GALNT10: variants seen among roughly 807,000 people sequenced by gnomAD.
GALNT10 encodes the protein polypeptide N-acetylgalactosaminyltransferase 10, also known as GalNAc transferase 10.
GALNT10 carries 41 observed loss-of-function variants against 75.0 expected under a neutral mutation model. That is an observed-to-expected ratio of 0.55 (90% CI 0.43 to 0.71). GALNT10 has a LOEUF of 0.71. GALNT10 is among the 30% of genes least tolerant of loss of function. The pLI is 0.00. For missense variants in GALNT10, 727 were observed against 818.5 expected, an observed-to-expected ratio of 0.89 and a Z score of 1.36; for synonymous variants, 302 against 313.0, an observed-to-expected ratio of 0.96 and a Z score of 0.37.
At chr5:154,274,631 CT>C (rs1753922907) in intron 1 of GALNT10, among the ~76,000 whole-genome samples, 1 of 152,148 alleles carries the variant, frequency 6.6e-6, no homozygotes, top group African/African-American at 2.4e-5. Flanking sequence ...AACCTGTAAC[CT>C]CTCAGGACCT....
intron 1 of GALNT10, among the ~76,000 whole-genome samples, chr5:154,261,993 C>T (rs1201743304): frequency 3.9e-5 from 6 of 152,176 alleles, no homozygotes; most frequent in East Asian, 1.9e-4. Flanking sequence ...ATGGAAGAGT[C>T]GTGGGATACT....
At chr5:154,413,281 A>G (rs1327165271) in intron 10 of GALNT10, among the ~76,000 whole-genome samples, 1 of 152,238 alleles carries the variant, frequency 6.6e-6, no homozygotes, top group East Asian at 1.9e-4. Context: ...CATGTCCCTG[A>G]AAAGCCTTGA....
At chr5:154,279,555 G>A (rs1434576612) in intron 1 of GALNT10, among the ~76,000 whole-genome samples, 1 of 151,634 alleles carries the variant, frequency 6.6e-6, no homozygotes, top group South Asian at 2.1e-4. Context: ...CACCTGCCTC[G>A]GCCTCCCAAA....
At chr5:154,386,539 T>C (rs1437651615) in intron 7 of GALNT10, 109 bp downstream of exon 7, 15 of 721,424 alleles carry the variant, frequency 2.1e-5, no homozygotes, top group Non-Finnish European at 3.5e-5. Flanking sequence ...GCCTCAGGGT[T>C]CTGTAGCCCT....
At chr5:154,265,340 A>C (rs1195525777) in intron 1 of GALNT10, among the ~76,000 whole-genome samples, 2 of 152,202 alleles carry the variant, frequency 1.3e-5, no homozygotes, top group East Asian at 3.8e-4. Flanking sequence ...AAGGGACCTC[A>C]GAATGTCTTC....
chr5:154,406,468 A>G (rs1756283675), intron 8 of GALNT10, among the ~76,000 whole-genome samples: 1 of 152,196 alleles, frequency 6.6e-6, no homozygotes, highest in Non-Finnish European at 1.5e-5. Context: ...ATGGTGACTA[A>G]CAACCCTCAA....
intron 6 of GALNT10, among the ~76,000 whole-genome samples, chr5:154,384,109 C>A (rs1170059632): frequency 6.6e-6 from 1 of 152,166 alleles, no homozygotes; most frequent in Non-Finnish European, 1.5e-5. Context: ...AGAACAGCAG[C>A]ATGGGGGTAA....
At chr5:154,191,562 C>T (rs1774861380) in intron 1 of GALNT10, among the ~76,000 whole-genome samples, 1 of 151,990 alleles carries the variant, frequency 6.6e-6, no homozygotes, top group African/African-American at 2.4e-5. Flanking sequence ...TATTCAACAC[C>T]CCCGCCCCAA....
intron 7 of GALNT10, chr5:154,387,447 T>G (rs775239625): frequency 2.0e-5 from 3 of 152,238 alleles, no homozygotes; most frequent in Non-Finnish European, 4.4e-5. Context: ...ATCTGACCCC[T>G]GTGAACACAC....
chr5:154,333,768 C>G (rs533894122), intron 4 of GALNT10, among the ~76,000 whole-genome samples: 1 of 152,294 alleles, frequency 6.6e-6, no homozygotes, highest in East Asian at 1.9e-4. Flanking sequence ...ATCACTGCCC[C>G]CTTTTCTCAA....
chr5:154,388,233 C>A (rs551736515), intron 7 of GALNT10: 1 of 152,270 alleles, frequency 6.6e-6, no homozygotes, highest in South Asian at 2.1e-4. Flanking sequence ...GAAGTTGTCT[C>A]CCATAAGGAG....
chr5:154,194,513 T>C (rs1338812549), intron 1 of GALNT10, among the ~76,000 whole-genome samples: 1 of 152,192 alleles, frequency 6.6e-6, no homozygotes, highest in Non-Finnish European at 1.5e-5. Flanking sequence ...GCTCCCTACA[T>C]TCTTTCTGTC....
In GALNT10 at chr5:154,250,595, A is replaced by G. The variant is rs200089309; in HGVS notation, c.160-44221A>G. On this transcript the variant is annotated intron_variant, in intron 1 of 11. Coordinates refer to ENST00000297107, the MANE Select transcript of GALNT10 (RefSeq NM_198321.4). ...GCTGGTGCAGTTCCAGACATCACACATAGACACTGAAACCTCCAGGATGGA... is the reference window on the plus strand; with the variant it reads ...GCTGGTGCAGTTCCAGACATCACACGTAGACACTGAAACCTCCAGGATGGA... 4.7e-4 allele frequency among the ~76,000 whole-genome samples: 71 copies of G among 152,246 alleles called. No individual in the cohort carries two copies. In the East Asian group the frequency reaches 5.8e-3, roughly 12 times the overall value.
chr5:154,335,722 T>C (rs1342990899), intron 4 of GALNT10, among the ~76,000 whole-genome samples: 1 of 152,200 alleles, frequency 6.6e-6, no homozygotes, highest in Non-Finnish European at 1.5e-5. Flanking sequence ...CATACTACCC[T>C]GAACACACCC....
At chr5:154,328,765 C>A (rs11954986) in intron 3 of GALNT10, among the ~76,000 whole-genome samples, 21,336 of 152,210 alleles carry the variant, frequency 0.14, 1,727 homozygotes, top group Non-Finnish European at 0.19. Context: ...ATTTGATTAT[C>A]TGCCAGAGTG....
intron 3 of GALNT10, among the ~76,000 whole-genome samples, chr5:154,313,343 A>G (rs1754550050): frequency 1.3e-5 from 2 of 152,004 alleles, no homozygotes; most frequent in Non-Finnish European, 2.9e-5. Context: ...TAACCATCTT[A>G]AAACTAGATA....
At chr5:154,292,391 C>G (rs964172967) in intron 1 of GALNT10, among the ~76,000 whole-genome samples, 1 of 152,212 alleles carries the variant, frequency 6.6e-6, no homozygotes, top group Non-Finnish European at 1.5e-5. Context: ...CTTTGAACAC[C>G]ATGGCTTTAG....
chr5:154,326,726 T>A (rs1264619661), intron 3 of GALNT10, among the ~76,000 whole-genome samples: 1 of 152,188 alleles, frequency 6.6e-6, no homozygotes, highest in Admixed American at 6.5e-5. Flanking sequence ...TAGGGATTGC[T>A]AGCAGCTAGC....
At chr5:154,268,600 C>T (rs1353899583) in intron 1 of GALNT10, among the ~76,000 whole-genome samples, 1 of 152,182 alleles carries the variant, frequency 6.6e-6, no homozygotes, top group Non-Finnish European at 1.5e-5. Context: ...TATTAAATCG[C>T]ATTCAGAAAA....
Sources: allele counts gnomAD v4.1 joint callset (sites outside exome capture counted in the v4.1 genomes callset), GRCh38; gene constraint gnomAD v4.1.1; transcripts MANE v1.5; gene names NCBI Gene and HGNC (gene_info 2026-07-23, HGNC 2026-07-21).